Variants in JAKMIP1 observed in about 807,000 individuals in gnomAD.
The protein encoded by JAKMIP1 is janus kinase and microtubule-interacting protein 1.
JAKMIP1 carries 33 observed loss-of-function variants against 113.0 expected under a neutral mutation model. The observed-to-expected ratio is 0.29, with a 90% confidence interval of 0.22 to 0.39. JAKMIP1 has a LOEUF of 0.39. Among genes scored for constraint, JAKMIP1 ranks in the 10% least tolerant of loss-of-function variants. The pLI, the probability that JAKMIP1 is intolerant of heterozygous loss-of-function variation, is 1.00. For missense variants in JAKMIP1, 813 were observed against 1,080.5 expected (o/e 0.75, Z 3.47); for synonymous variants, 480 against 459.9 (o/e 1.04, Z -0.56).
intron 8 of JAKMIP1, among the ~76,000 whole-genome samples, chr4:6,071,175 T>G (rs540890720): frequency 1.3e-5 from 2 of 152,358 alleles, no homozygotes; most frequent in African/African-American, 4.8e-5. Context: ...CTCAATTTAG[T>G]GCCGACTACC....
In JAKMIP1 at chr4:6,071,393, C is replaced by T. The variant is rs547596332; in HGVS notation, c.1303-6385G>A. Among the ~76,000 whole-genome samples, 505 of 152,266 alleles carry T rather than the reference C, an allele frequency of 3.3e-3. 1 individual carries two copies. Among genetic ancestry groups the T allele is most frequent in the African/African-American group, 0.012 (481 of 41,562 alleles). On this transcript the variant is annotated intron_variant, in intron 8 of 20. Transcript: ENST00000409021. ...CGGGGCTGCAATCTGGAACCTTTGC[C>T]TCAAGCCCCTCCCCACGGGGCCTGA...
chr4:6,045,248 G>A (rs556971556), intron 16 of JAKMIP1, among the ~76,000 whole-genome samples: 23 of 152,332 alleles, frequency 1.5e-4, no homozygotes, highest in African/African-American at 5.5e-4. Context: ...GGCTGAGGCC[G>A]GTGTCTTTTT....
intron 1 of JAKMIP1, among the ~76,000 whole-genome samples, chr4:6,118,768 C>T (rs2108903452): frequency 6.6e-6 from 1 of 152,208 alleles, no homozygotes; most frequent in Admixed American, 6.5e-5. Flanking sequence ...CCAACATGGG[C>T]CAGCTTCTGG....
chr4:6,041,995 G>C (rs1424971198), intron 17 of JAKMIP1, among the ~76,000 whole-genome samples, 164 bp downstream of exon 17: 1 of 152,210 alleles, frequency 6.6e-6, no homozygotes, highest in Non-Finnish European at 1.5e-5. Context: ...GAGTGAAAGA[G>C]TAAGTAAATG....
Position 6,081,773 on chromosome 4 carries a change from C to A in JAKMIP1, c.955-18G>T, listed in dbSNP as rs1720582519. On this transcript the variant is annotated intron_variant, in intron 5 of 20. Transcript: ENST00000409021. The surrounding 1 kb of genome is among the most constrained non-coding windows in gnomAD (Gnocchi z 4.6). ...CGTTTCAGCTGTGGTTGGAAACAGA[C>A]ACAGAGGCTCAGACAACTTGACGAC... The A allele has an allele frequency of 6.2e-7, 1 of 1,613,984 alleles. No homozygotes were observed. Among genetic ancestry groups the A allele is most frequent in the Non-Finnish European group, 8.5e-7 (1 of 1,179,924 alleles).
At chr4:6,151,343 G>A (rs1367080053) in intron 1 of JAKMIP1, among the ~76,000 whole-genome samples, 2 of 152,274 alleles carry the variant, frequency 1.3e-5, no homozygotes, top group East Asian at 3.9e-4. Flanking sequence ...CAATAGCAGG[G>A]CCAAGATGAA....
At chr4:6,053,243 C>T (rs567891666) in intron 13 of JAKMIP1, among the ~76,000 whole-genome samples, 1 of 152,334 alleles carries the variant, frequency 6.6e-6, no homozygotes, top group South Asian at 2.1e-4. Context: ...CAGCTGGAAG[C>T]AGTAAGACCA....
chr4:6,196,845 GA>G (rs957294198), intron 1 of JAKMIP1, among the ~76,000 whole-genome samples: 1 of 128,194 alleles, frequency 7.8e-6, no homozygotes, highest in Non-Finnish European at 1.6e-5. Flanking sequence ...TGGGCAACAA[GA>G]AAGAAACTCT....
At chr4:6,041,339 A>G (rs1714290831) in intron 17 of JAKMIP1, among the ~76,000 whole-genome samples, 2 of 152,290 alleles carry the variant, frequency 1.3e-5, no homozygotes, top group Admixed American at 6.5e-5. Context: ...TAGATGCCAC[A>G]GTTCAGTGAT....
At chr4:6,045,032 G>A (rs1027239557) in intron 16 of JAKMIP1, among the ~76,000 whole-genome samples, 3 of 152,238 alleles carry the variant, frequency 2.0e-5, no homozygotes, top group Admixed American at 6.5e-5. Context: ...GCTGCTCTCC[G>A]CGCCCCGCCT....
At chr4:6,122,623 C>T (rs1238748661) in intron 1 of JAKMIP1, among the ~76,000 whole-genome samples, 1 of 152,214 alleles carries the variant, frequency 6.6e-6, no homozygotes, top group Non-Finnish European at 1.5e-5. Flanking sequence ...GACCTGAATT[C>T]AAGTCCCACA....
At position 6,156,960 on chromosome 4, in the gene JAKMIP1, T is replaced by C. The variant is rs1006357541; in HGVS notation, c.-148+43293A>G. 8.5e-5 allele frequency among the ~76,000 whole-genome samples: 13 copies of C among 152,234 alleles called. No individual in the cohort carries two copies. Among genetic ancestry groups the C allele is most frequent in the African/African-American group, 2.9e-4 (12 of 41,466 alleles). On this transcript the variant is annotated intron_variant, in intron 1 of 20. Transcript: ENST00000409021. This position sits in a 1 kb window ranked among gnomAD's most constrained non-coding sequence, Gnocchi z 5.0. Reference sequence around the variant, plus strand: ...TTTGAATGCGTCCCTCAAAGTTCACTGTTAATCCCCAATGCACCAGTGTAA... The same window carrying C: ...TTTGAATGCGTCCCTCAAAGTTCACCGTTAATCCCCAATGCACCAGTGTAA...
intron 18 of JAKMIP1, among the ~76,000 whole-genome samples, chr4:6,039,974 G>T (rs748015244): frequency 1.3e-5 from 2 of 152,104 alleles, no homozygotes; most frequent in African/African-American, 4.8e-5. Context: ...TCTGTACCAC[G>T]CTAGCTTCTT....
chr4:6,058,387 T>A (rs1488619275), intron 11 of JAKMIP1, among the ~76,000 whole-genome samples: 1 of 152,274 alleles, frequency 6.6e-6, no homozygotes, highest in African/African-American at 2.4e-5. Flanking sequence ...AGGGAATAAG[T>A]ACATTCTATG....
At position 6,184,975 on chromosome 4, in the gene JAKMIP1, G is replaced by A. The variant is rs904448184; in HGVS notation, c.-148+15278C>T. 5.9e-5 allele frequency among the ~76,000 whole-genome samples: 9 copies of A among 152,300 alleles called. 1 individual carries two copies. In the South Asian group the frequency reaches 6.2e-4, roughly 11 times the overall value. ...GTCTTCCGGCCTCCATCTTTCTCCCGTGCTGGATGCTTCCTCCCCTCGAAC... is the reference window on the plus strand; with the variant it reads ...GTCTTCCGGCCTCCATCTTTCTCCCATGCTGGATGCTTCCTCCCCTCGAAC... On this transcript the variant is annotated intron_variant, in intron 1 of 20. Transcript: ENST00000409021. This position sits in a 1 kb window ranked among gnomAD's most constrained non-coding sequence, Gnocchi z 4.5.
intron 8 of JAKMIP1, among the ~76,000 whole-genome samples, chr4:6,066,298 G>A (rs1436886064): frequency 6.6e-6 from 1 of 152,138 alleles, no homozygotes. Context: ...CAGACATAAG[G>A]CAAGGAAGAA....
At position 6,081,152 on chromosome 4, in the gene JAKMIP1, G is replaced by A. The variant is rs1489710006; in HGVS notation, c.1101+457C>T. The stretch of plus-strand genomic sequence containing the variant: ...GTAAACTGTCAACTACAAGACGCCT[G>A]CCCTGACCACAAACACCAGGCATCC... On this transcript the variant is annotated intron_variant, in intron 6 of 20. Transcript: ENST00000409021. The surrounding 1 kb of genome is among the most constrained non-coding windows in gnomAD (Gnocchi z 4.6). Among the ~76,000 whole-genome samples the A allele has an allele frequency of 1.3e-5, 2 of 152,182 alleles. No homozygotes were observed. The highest frequency in any genetic ancestry group is 2.1e-4 in the South Asian group (1 of 4,822).
intron 1 of JAKMIP1, among the ~76,000 whole-genome samples, chr4:6,160,674 C>T (rs1722792339): frequency 6.6e-6 from 1 of 152,142 alleles, no homozygotes; most frequent in Non-Finnish European, 1.5e-5. Flanking sequence ...AACATCTCTT[C>T]CTGTGTCCCC....
At chr4:6,147,387 C>G (rs1720986686) in intron 1 of JAKMIP1, among the ~76,000 whole-genome samples, 1 of 152,172 alleles carries the variant, frequency 6.6e-6, no homozygotes, top group Admixed American at 6.5e-5. Context: ...CAGAACACAT[C>G]TGTGCCAGTC....
Sources: gnomAD v4.1 joint callset for allele counts (sites outside exome capture counted in the v4.1 genomes callset) on GRCh38, gnomAD v4.1.1 for gene constraint, Gnocchi (gnomAD v3.1) non-coding constraint, MANE v1.5 for transcripts, NCBI Gene and HGNC (gene_info 2026-07-23, HGNC 2026-07-21) for gene names.